The following GPN1 variants were observed in gnomAD, a reference collection of about 807,000 sequenced individuals.
The protein encoded by GPN1 is GPN-loop GTPase 1.
A neutral mutation model predicts 55.9 loss-of-function variants in GPN1; 44 were observed. The ratio of observed to expected loss-of-function variants is 0.79; its 90% CI spans 0.62 to 1.01. GPN1 has a LOEUF of 1.01. GPN1 is among the 50% of genes least tolerant of loss of function. The pLI is 0.00. For synonymous variants in GPN1, 179 were observed against 162.5 expected, an observed-to-expected ratio of 1.10 and a Z score of -0.77; for missense variants, 466 against 462.8, an observed-to-expected ratio of 1.01 and a Z score of -0.06.
chr2:27,639,930 C>T (rs1673871489), intron 9 of GPN1, 113 bp from the exon 10 acceptor site: 1 of 790,406 alleles, frequency 1.3e-6, no homozygotes. Flanking sequence ...CCAAAGACTT[C>T]TCAAAATATA....
At chr2:27,629,291 TC>T in intron 1 of GPN1, 122 bp downstream of exon 1, 1 of 1,452,984 alleles carries the variant, frequency 6.9e-7, no homozygotes, top group Non-Finnish European at 9.5e-7. Flanking sequence ...TTCGGGGGCT[TC>T]CCATCAACTT....
chr2:27,650,363 A>T lies in GPN1; in HGVS notation c.*163A>T, dbSNP rs980809099. ...GAAATCTTGTGACTCAGATGAAGTC[A>T]GGGATAGAAGACCCTTGGACCTGGC... On this transcript the variant is annotated 3_prime_UTR_variant, in exon 14 of 14. Transcript: ENST00000610189. 1 of 506,830 alleles carries T rather than the reference A, an allele frequency of 2.0e-6. No homozygotes were observed. The highest frequency in any genetic ancestry group is 3.6e-6 in the Non-Finnish European group (1 of 280,752). The allele number at this position is 506,830 out of a possible 1,614,324, so 31.4% of individuals were successfully genotyped here.
chr2:27,641,215 A>G (rs772003313), intron 10 of GPN1, 25 bp from the exon 11 acceptor site: 18 of 1,567,852 alleles, frequency 1.1e-5, no homozygotes, highest in Non-Finnish European at 1.4e-5. Flanking sequence ...AAGCAAAGGA[A>G]TTTAGAAAGT....
chr2:27,642,958 T>TATACACACACACACACAC (rs10643705), intron 12 of GPN1, among the ~76,000 whole-genome samples: 26 of 122,656 alleles, frequency 2.1e-4, no homozygotes, highest in South Asian at 5.6e-4. Context: ...TATATATATA[T>TATACACACACACACACAC]ACACACACAC....
chr2:27,638,787 T>C (rs973602201), intron 8 of GPN1, 98 bp from the exon 9 acceptor site: 5 of 983,554 alleles, frequency 5.1e-6, no homozygotes, highest in South Asian at 1.6e-5. Flanking sequence ...AAAGAAAATA[T>C]ATGGATGATA....
At chr2:27,631,413 T>C (rs1203218920) in intron 3 of GPN1, 1 of 422,878 alleles carries the variant, frequency 2.4e-6, no homozygotes, top group Non-Finnish European at 4.3e-6. Context: ...TTAGTTGGAT[T>C]AACTCTTAGT....
At chr2:27,628,508 A>G, upstream of GPN1, 1 of 1,551,406 alleles carries the variant, frequency 6.4e-7, no homozygotes, top group Non-Finnish European at 8.7e-7. Context: ...TCGCGGGAAC[A>G]ATGTGCAAGT....
At chr2:27,649,513 C>G (rs1674417300) in intron 13 of GPN1, among the ~76,000 whole-genome samples, 2 of 152,140 alleles carry the variant, frequency 1.3e-5, no homozygotes, top group Admixed American at 6.5e-5. Context: ...CCCAAAACTT[C>G]CTCATGCCCC....
chr2:27,639,944 C>A, intron 9 of GPN1, 99 bp from the exon 10 acceptor site: 1 of 854,856 alleles, frequency 1.2e-6, no homozygotes, highest in Non-Finnish European at 1.9e-6. Flanking sequence ...AAATATAAAC[C>A]ACTCTTACTA....
intron 11 of GPN1, among the ~76,000 whole-genome samples, chr2:27,641,678 C>T (rs998398256): frequency 6.6e-5 from 10 of 152,200 alleles, no homozygotes; most frequent in African/African-American, 2.4e-4. Flanking sequence ...ACTGCAGCCT[C>T]GACCTTTTGG....
At chr2:27,642,956 T>TACACACACAC (rs764872511) in intron 12 of GPN1, among the ~76,000 whole-genome samples, 4,331 of 85,402 alleles carry the variant, frequency 0.051, 84 homozygotes, top group Non-Finnish European at 0.071. Flanking sequence ...TATATATATA[T>TACACACACAC]ATACACACAC....
intron 12 of GPN1, 127 bp downstream of exon 12, chr2:27,642,646 C>G (rs1216079387): frequency 3.3e-6 from 2 of 604,048 alleles, no homozygotes; most frequent in Non-Finnish European, 6.0e-6. Flanking sequence ...TCACCACAAC[C>G]TCCACCTCCC....
At chr2:27,629,797 A>C in intron 1 of GPN1, 62 bp from the exon 2 acceptor site, 1 of 891,560 alleles carries the variant, frequency 1.1e-6, no homozygotes, top group Non-Finnish European at 1.9e-6. Flanking sequence ...GTGTTAAAGG[A>C]ATGGAAGTTC....
Position 27,651,403 on chromosome 2 carries a change from T to TA in GPN1, c.*1204dup, listed in dbSNP as rs1322392560. The TA allele has an allele frequency of 1.3e-5, 2 of 152,368 alleles. No individual in the cohort carries two copies. The highest frequency in any genetic ancestry group is 2.4e-5 in the African/African-American group (1 of 41,464). The allele number at this position is 152,368 out of a possible 1,614,324, so 9.4% of individuals were successfully genotyped here. A position where few individuals can be genotyped will look rare whatever the true frequency, so the allele number is the denominator to read the frequency against. On this transcript the variant is annotated 3_prime_UTR_variant, in exon 14 of 14. Coordinates refer to ENST00000610189, the MANE Select transcript of GPN1 (RefSeq NM_007266.4). ...ATTCCAGACCAGGTGAATCTCAAGA[T>TA]ACTAATCCTCACATCATTTGCCTTC...
intron 1 of GPN1, 160 bp downstream of exon 1, chr2:27,629,329 C>T (rs755219627): frequency 2.9e-5 from 43 of 1,503,804 alleles, no homozygotes; most frequent in Non-Finnish European, 3.8e-5. Context: ...AAAGCCTCCT[C>T]GGGCCCTAGC....
Position 27,643,041 on chromosome 2 carries a change from C to T in GPN1, c.931+522C>T, listed in dbSNP as rs1350223862. Reference sequence around the variant, plus strand: ...TTAAAAAATAAAGGATTTGGAAAGGCAAATTTGAAATTATATACAGCTCTA... The same window carrying T: ...TTAAAAAATAAAGGATTTGGAAAGGTAAATTTGAAATTATATACAGCTCTA... On this transcript the variant is annotated intron_variant, in intron 12 of 13. Transcript: ENST00000610189. This position sits in a 1 kb window ranked among gnomAD's most constrained non-coding sequence, Gnocchi z 4.0. 2.0e-5 allele frequency among the ~76,000 whole-genome samples: 3 copies of T among 148,642 alleles called. No individual in the cohort carries two copies. In the South Asian group the frequency reaches 6.4e-4, roughly 32 times the overall value.
intron 7 of GPN1, among the ~76,000 whole-genome samples, chr2:27,636,663 CG>C (rs1208048097): frequency 6.6e-6 from 1 of 151,788 alleles, no homozygotes; most frequent in Non-Finnish European, 1.5e-5. Flanking sequence ...TTAGTAGAGT[CG>C]GGGTTTCACC....
intron 12 of GPN1, among the ~76,000 whole-genome samples, chr2:27,647,195 G>A (rs1024906148): frequency 6.6e-6 from 1 of 152,170 alleles, no homozygotes; most frequent in Admixed American, 6.5e-5. Context: ...GCTCTCGCAA[G>A]CCTCATAGGC....
intron 13 of GPN1, 67 bp downstream of exon 13, chr2:27,648,010 A>G (rs929806745): frequency 1.5e-5 from 13 of 891,992 alleles, no homozygotes; most frequent in Non-Finnish European, 2.2e-5. Flanking sequence ...TTTGCCCAGG[A>G]GTTTCTTGCT....
Sources: gnomAD v4.1 joint callset for allele counts (sites outside exome capture counted in the v4.1 genomes callset) on GRCh38, gnomAD v4.1.1 for gene constraint, Gnocchi (gnomAD v3.1) non-coding constraint, MANE v1.5 for transcripts, NCBI Gene and HGNC (gene_info 2026-07-23, HGNC 2026-07-21) for gene names.